Variants in SLC28A3 observed in about 807,000 individuals in gnomAD.
SLC28A3 encodes concentrative Na(+)-nucleoside cotransporter 3.
In SLC28A3, 68 loss-of-function variants were observed where a neutral mutation model predicts 84.2. That is an observed-to-expected ratio of 0.81 (90% confidence interval 0.66 to 0.99). SLC28A3 has a LOEUF of 0.99. Among genes scored for constraint, SLC28A3 ranks in the 50% least tolerant of loss-of-function variants. SLC28A3 has a pLI of 0.00. For synonymous variants in SLC28A3, 267 were observed against 303.6 expected (o/e 0.88, Z 1.25); for missense variants, 712 against 841.5 (o/e 0.85, Z 1.90).
chr9:84,321,395 G>A (rs1231580774), intron 1 of SLC28A3, among the ~76,000 whole-genome samples: 1 of 152,006 alleles, frequency 6.6e-6, no homozygotes, highest in African/African-American at 2.4e-5. Flanking sequence ...ACAGTGGGAA[G>A]TCTTTTTCCT....
intron 2 of SLC28A3, among the ~76,000 whole-genome samples, chr9:84,312,283 T>C (rs571519639): frequency 1.4e-4 from 22 of 152,306 alleles, no homozygotes; most frequent in South Asian, 4.1e-4. Context: ...TTAAGCAAAA[T>C]AGACAGTTAC....
At chr9:84,351,146 T>C in the SLC28A3 span, among the ~76,000 whole-genome samples, 1 of 152,226 alleles carries the variant, frequency 6.6e-6, no homozygotes, top group Non-Finnish European at 1.5e-5. Flanking sequence ...TCAGCATATA[T>C]ATAACTTTTT....
intron 1 of SLC28A3, among the ~76,000 whole-genome samples, chr9:84,318,347 CTGTA>C (rs10618454): frequency 0.11 from 15,977 of 152,010 alleles, 1,106 homozygotes; most frequent in East Asian, 0.36. Context: ...AGTCAAGTCT[CTGTA>C]TGCTGCTGTG....
chr9:84,360,675 T>C, the SLC28A3 span, among the ~76,000 whole-genome samples: 5 of 152,046 alleles, frequency 3.3e-5, no homozygotes, highest in Non-Finnish European at 5.9e-5. Flanking sequence ...CCCAGCACTT[T>C]GGGAGGCTGA....
chr9:84,347,204 TAAAAAA>T, the SLC28A3 span, among the ~76,000 whole-genome samples: 126 of 62,388 alleles, frequency 2.0e-3, 1 homozygote, highest in African/African-American at 4.9e-3. Context: ...AGACTCTGTC[TAAAAAA>T]AAAAAAAAAA....
chr9:84,291,635 C>T (rs995769721), intron 10 of SLC28A3, among the ~76,000 whole-genome samples: 11 of 152,338 alleles, frequency 7.2e-5, no homozygotes, highest in Middle Eastern at 3.4e-3. Flanking sequence ...TGCGCCCAGC[C>T]GTAAGCATAG....
upstream of SLC28A3, among the ~76,000 whole-genome samples, chr9:84,343,686 TATAA>T (rs1201107515): frequency 6.6e-6 from 1 of 152,260 alleles, no homozygotes; most frequent in Non-Finnish European, 1.5e-5. Flanking sequence ...CTTCAGTGTC[TATAA>T]ATAAAGTTTT....
chr9:84,276,593 C>T lies in SLC28A3; in HGVS notation c.*1625G>A, dbSNP rs1338644376. On this transcript the variant is annotated 3_prime_UTR_variant, in exon 18 of 18. Coordinates refer to ENST00000376238, the MANE Select transcript of SLC28A3 (RefSeq NM_001199633.2). ...CCAAACATTGAGAATGGGGGGAAAACATGCAAATATATTTTCCTAAAATAA... is the reference window on the plus strand; with the variant it reads ...CCAAACATTGAGAATGGGGGGAAAATATGCAAATATATTTTCCTAAAATAA... 6.6e-6 allele frequency: 1 copy of T among 152,076 alleles called. No individual in the cohort carries two copies. The highest frequency in any genetic ancestry group is 1.5e-5 in the Non-Finnish European group (1 of 68,010). The allele number at this position is 152,076 out of a possible 1,614,324, so 9.4% of individuals were successfully genotyped here.
chr9:84,295,598 CAAACAAACA>C (rs1825383853), intron 8 of SLC28A3, among the ~76,000 whole-genome samples: 1 of 151,912 alleles, frequency 6.6e-6, no homozygotes, highest in African/African-American at 2.4e-5. Flanking sequence ...AACAAACAAA[CAAACAAACA>C]AAACAAACAA....
At chr9:84,288,501 T>G (rs1380029648) in intron 11 of SLC28A3, among the ~76,000 whole-genome samples, 2 of 152,186 alleles carry the variant, frequency 1.3e-5, no homozygotes, top group African/African-American at 4.8e-5. Context: ...CCTCTACCTC[T>G]CTGTTGCCCT....
chr9:84,365,275 T>C, the SLC28A3 span, among the ~76,000 whole-genome samples: 1 of 152,108 alleles, frequency 6.6e-6, no homozygotes, highest in African/African-American at 2.4e-5. Flanking sequence ...TGATCAGTGA[T>C]GTTGAGCACC....
Position 84,280,190 on chromosome 9 carries a change from T to A in SLC28A3, c.1730-117A>T, listed in dbSNP as rs1433914435. On this transcript the variant is annotated intron_variant, in intron 15 of 17. Transcript: ENST00000376238. Reference sequence around the variant, plus strand: ...GTCAGCTGACTTTTTTTTTTTTTTCTTTAACTTAGCTGGGAAATTCAAGAT... The same window carrying A: ...GTCAGCTGACTTTTTTTTTTTTTTCATTAACTTAGCTGGGAAATTCAAGAT... The A allele has an allele frequency of 3.7e-5, 28 of 757,024 alleles. No individual in the cohort carries two copies. The Admixed American group carries it at 7.0e-4, about 19-fold the overall frequency. The allele number at this position is 757,024 out of a possible 1,614,324, so 46.9% of individuals were successfully genotyped here. A position where few individuals can be genotyped will look rare whatever the true frequency, so the allele number is the denominator to read the frequency against.
chr9:84,301,369 A>AGAAAAAG lies in SLC28A3; in HGVS notation c.524+830_524+831insCTTTTTC, dbSNP rs1554725712. Among the ~76,000 whole-genome samples the AGAAAAAG allele has an allele frequency of 2.3e-5, 3 of 132,436 alleles. No homozygotes were observed. In the Admixed American group the frequency reaches 2.5e-4, roughly 11 times the overall value. The allele number at this position is 132,436 out of a possible 152,430, so 86.9% of individuals were successfully genotyped here. A position where few individuals can be genotyped will look rare whatever the true frequency, so the allele number is the denominator to read the frequency against. ...TGTCTCAAAAAAAAAAAAAAAAAAA[A>AGAAAAAG]AAAAAGAAAAGGCTGTAAACATTGG... On this transcript the variant is annotated intron_variant, in intron 5 of 17. Transcript: ENST00000376238.
intron 11 of SLC28A3, among the ~76,000 whole-genome samples, chr9:84,289,608 G>A (rs569731811): frequency 7.9e-5 from 12 of 152,334 alleles, no homozygotes; most frequent in Admixed American, 3.9e-4. Context: ...TGATTCTAAC[G>A]TGCAGAAAGG....
the SLC28A3 span, among the ~76,000 whole-genome samples, chr9:84,361,339 G>A: frequency 1.3e-5 from 2 of 152,106 alleles, no homozygotes; most frequent in East Asian, 3.9e-4. Flanking sequence ...GCGAGACTCC[G>A]TCTCAAAAAA....
intron 5 of SLC28A3, among the ~76,000 whole-genome samples, chr9:84,300,738 G>A (rs958125552): frequency 6.6e-6 from 1 of 152,154 alleles, no homozygotes; most frequent in East Asian, 1.9e-4. Flanking sequence ...GTTGCTGCAG[G>A]ACACAGGGTC....
chr9:84,363,172 T>C, the SLC28A3 span, among the ~76,000 whole-genome samples: 2 of 150,480 alleles, frequency 1.3e-5, no homozygotes, highest in Admixed American at 6.8e-5. Context: ...TGATGAAATC[T>C]ACTAGTATGT....
chr9:84,345,374 A>G (rs1827232539), upstream of SLC28A3, among the ~76,000 whole-genome samples: 1 of 152,170 alleles, frequency 6.6e-6, no homozygotes, highest in African/African-American at 2.4e-5. Flanking sequence ...ACCTTCACCA[A>G]CTCAAGACTC....
chr9:84,347,740 T>A, the SLC28A3 span, among the ~76,000 whole-genome samples: 2 of 152,208 alleles, frequency 1.3e-5, no homozygotes, highest in Non-Finnish European at 2.9e-5. Context: ...CAGAAATGAA[T>A]GCATAGAACT....
Sources: allele counts gnomAD v4.1 joint callset (sites outside exome capture counted in the v4.1 genomes callset), GRCh38; gene constraint gnomAD v4.1.1; transcripts MANE v1.5; gene names NCBI Gene and HGNC (gene_info 2026-07-23, HGNC 2026-07-21).